AVL9: variants seen among roughly 807,000 people sequenced by gnomAD.
AVL9 encodes the protein late secretory pathway protein AVL9 homolog.
Under a neutral mutation model 79.2 loss-of-function variants are expected in AVL9, and 49 were observed. That is an observed-to-expected ratio of 0.62 (90% CI 0.49 to 0.79). The LOEUF is 0.79. Among genes scored for constraint, AVL9 ranks in the 30% least tolerant of loss-of-function variants. AVL9 has a pLI of 0.00. For missense variants in AVL9, 682 were observed against 776.8 expected, an observed-to-expected ratio of 0.88 and a Z score of 1.45; for synonymous variants, 299 against 280.6, an observed-to-expected ratio of 1.07 and a Z score of -0.65.
chr7:32,539,866 C>G (rs1344325108), intron 1 of AVL9, among the ~76,000 whole-genome samples: 1 of 152,150 alleles, frequency 6.6e-6, no homozygotes, highest in African/African-American at 2.4e-5. Flanking sequence ...CCCTTTCTTC[C>G]ATCTTTAAAG....
Position 32,548,933 on chromosome 7 carries a change from A to T in AVL9, c.372+15A>T. The T allele has an allele frequency of 6.5e-7, 1 of 1,532,188 alleles. No individual in the cohort carries two copies. The highest frequency in any genetic ancestry group is 1.3e-5 in the South Asian group (1 of 75,968). The allele number at this position is 1,532,188 out of a possible 1,614,324, so 94.9% of individuals were successfully genotyped here. A position where few individuals can be genotyped will look rare whatever the true frequency, so the allele number is the denominator to read the frequency against. ...TAAGCAAGCTGGTAAGAGACGAAGT[A>T]ACTTGTTCATTATGTTAAACCTTCA... On this transcript the variant is annotated intron_variant, in intron 4 of 15. Coordinates refer to ENST00000318709, the MANE Select transcript of AVL9 (RefSeq NM_015060.3).
chr7:32,546,630 G>A (rs1365341928), intron 3 of AVL9, among the ~76,000 whole-genome samples: 2 of 151,990 alleles, frequency 1.3e-5, no homozygotes, highest in South Asian at 2.1e-4. Context: ...AGACCATCCT[G>A]GCTAACATAG....
At chr7:32,503,279 C>T (rs1787224292) in intron 1 of AVL9, among the ~76,000 whole-genome samples, 1 of 149,524 alleles carries the variant, frequency 6.7e-6, no homozygotes, top group African/African-American at 2.5e-5. Context: ...AGTTCGAGCC[C>T]AGCCTGGCCA....
intron 9 of AVL9, 61 bp downstream of exon 9, chr7:32,558,689 T>C: frequency 7.3e-7 from 1 of 1,373,776 alleles, no homozygotes. Flanking sequence ...CCTAAACTTT[T>C]AGAAATAAAG....
At chr7:32,526,563 A>G (rs780563475) in intron 1 of AVL9, among the ~76,000 whole-genome samples, 9 of 152,186 alleles carry the variant, frequency 5.9e-5, no homozygotes, top group Non-Finnish European at 1.2e-4. Flanking sequence ...TTTTGTCAGC[A>G]TGTCAGGCTC....
intron 1 of AVL9, among the ~76,000 whole-genome samples, chr7:32,506,695 T>G (rs7781052): frequency 0.016 from 2,497 of 151,818 alleles, 65 homozygotes; most frequent in African/African-American, 0.057. Flanking sequence ...GAGGATTACC[T>G]GAGGCCACAA....
intron 6 of AVL9, among the ~76,000 whole-genome samples, chr7:32,552,967 T>C (rs933173388): frequency 6.6e-6 from 1 of 152,134 alleles, no homozygotes; most frequent in Non-Finnish European, 1.5e-5. Flanking sequence ...ACCCAGAATA[T>C]CCACTGGTAG....
chr7:32,564,208 A>G (rs1049155335), intron 10 of AVL9, among the ~76,000 whole-genome samples: 18 of 152,254 alleles, frequency 1.2e-4, no homozygotes, highest in African/African-American at 4.1e-4. Flanking sequence ...GCCGTATACA[A>G]TATCAGTATT....
chr7:32,510,585 A>G (rs1228268864), intron 1 of AVL9, among the ~76,000 whole-genome samples: 1 of 141,296 alleles, frequency 7.1e-6, no homozygotes, highest in Non-Finnish European at 1.5e-5. Context: ...GTGAGCCGTC[A>G]GGTCTGGTTG....
rs1460381495 is a variant in AVL9 at position 32,583,804 on chromosome 7, G to C, written c.1844G>C (p.Gly615Ala). 7.4e-6 allele frequency: 12 copies of C among 1,613,354 alleles called. No individual in the cohort carries two copies. The highest frequency in any genetic ancestry group is 1.0e-5 in the Non-Finnish European group (12 of 1,179,530). Residue 615 changes from glycine to alanine, a missense_variant, in exon 16 of 16, where the codon GGA becomes GCA. By Grantham distance (60) the Gly-to-Ala change is moderately conservative. Transcript: ENST00000318709. ...QTGKAVGQSV[G>A]GAFSSAKTAM... ...CCTCTCCATCCAGGCCAGTCAGTTG[G>C]AGGAGCTTTTTCCAGTGCAAAGACA...
intron 1 of AVL9, among the ~76,000 whole-genome samples, chr7:32,507,435 C>T (rs188940209): frequency 1.3e-5 from 2 of 152,198 alleles, no homozygotes; most frequent in East Asian, 3.9e-4. Context: ...TCAACGCTAA[C>T]CACCCTCTCC....
At chr7:32,521,393 A>G (rs1381810484) in intron 1 of AVL9, among the ~76,000 whole-genome samples, 2 of 152,160 alleles carry the variant, frequency 1.3e-5, no homozygotes, top group Non-Finnish European at 2.9e-5. Context: ...TCAGATTGAG[A>G]TGAGGAACTT....
chr7:32,579,719 C>T (rs1235004222), intron 13 of AVL9, among the ~76,000 whole-genome samples: 1 of 136,502 alleles, frequency 7.3e-6, no homozygotes, highest in Non-Finnish European at 1.5e-5. Flanking sequence ...TTTTTTAAGA[C>T]CTGCCTTTTG....
intron 3 of AVL9, among the ~76,000 whole-genome samples, chr7:32,547,382 C>A (rs1288985972): frequency 6.6e-6 from 1 of 152,204 alleles, no homozygotes; most frequent in African/African-American, 2.4e-5. Flanking sequence ...TTTGCTACTT[C>A]ACTGTTACAC....
chr7:32,533,850 G>C (rs34130383), intron 1 of AVL9: 1 of 152,186 alleles, frequency 6.6e-6, no homozygotes, highest in African/African-American at 2.4e-5. Context: ...TAGTTTGGCA[G>C]TGTGGCTTCT....
At chr7:32,583,402 A>C (rs1189836220) in intron 15 of AVL9, among the ~76,000 whole-genome samples, 1 of 152,208 alleles carries the variant, frequency 6.6e-6, no homozygotes, top group Non-Finnish European at 1.5e-5. Context: ...TGTTCTAGTG[A>C]ATTAACATTT....
chr7:32,548,146 T>TTTG (rs1554340913), intron 3 of AVL9, among the ~76,000 whole-genome samples: 3 of 77,512 alleles, frequency 3.9e-5, no homozygotes, highest in Non-Finnish European at 5.6e-5. Flanking sequence ...TGTCATCTCT[T>TTTG]TTTTCTTTTT....
At chr7:32,527,269 T>C (rs927497705) in intron 1 of AVL9, among the ~76,000 whole-genome samples, 93 of 152,298 alleles carry the variant, frequency 6.1e-4, no homozygotes, top group African/African-American at 2.2e-3. Flanking sequence ...AAGCTACCCC[T>C]ATACTAATGA....
At chr7:32,541,998 G>A (rs879401982) in intron 1 of AVL9, among the ~76,000 whole-genome samples, 1 of 152,124 alleles carries the variant, frequency 6.6e-6, no homozygotes, top group African/African-American at 2.4e-5. Flanking sequence ...TCAGGTGTGA[G>A]CCACCGTGCC....
Sources: gnomAD v4.1 joint callset for allele counts (sites outside exome capture counted in the v4.1 genomes callset) on GRCh38, gnomAD v4.1.1 for gene constraint, MANE v1.5 for transcripts, NCBI Gene and HGNC (gene_info 2026-07-23, HGNC 2026-07-21) for gene names.